ZNF33B: variants seen among roughly 807,000 people sequenced by gnomAD.
ZNF33B encodes the protein zinc finger protein 33B, also known as zinc finger protein 11b (KOX 2).
In ZNF33B, 29 loss-of-function variants were observed where a neutral mutation model predicts 45.8. That is an observed-to-expected ratio of 0.63 (90% CI 0.47 to 0.86). The LOEUF (loss-of-function observed/expected upper bound fraction) is 0.86. ZNF33B is among the 40% of genes least tolerant of loss of function. ZNF33B has a pLI of 0.00. For missense variants in ZNF33B, 831 were observed against 909.9 expected, an observed-to-expected ratio of 0.91 and a Z score of 1.12; for synonymous variants, 305 against 307.8, an observed-to-expected ratio of 0.99 and a Z score of 0.10.
At chr10:42,579,455 G>C (rs1260023575) in intron 1 of ZNF33B, among the ~76,000 whole-genome samples, 1 of 152,204 alleles carries the variant, frequency 6.6e-6, no homozygotes, top group Non-Finnish European at 1.5e-5. Context: ...AGTTGTTTGT[G>C]TGTAATGTTA....
At chr10:42,637,276 CA>C (rs1469929534) in intron 1 of ZNF33B, among the ~76,000 whole-genome samples, 1 of 152,086 alleles carries the variant, frequency 6.6e-6, no homozygotes, top group African/African-American at 2.4e-5. Context: ...CAATATTGGC[CA>C]AACAAGTTAA....
At chr10:42,597,655 T>C (rs1837457940) in intron 4 of ZNF33B, among the ~76,000 whole-genome samples, 2 of 152,128 alleles carry the variant, frequency 1.3e-5, no homozygotes, top group African/African-American at 4.8e-5. Flanking sequence ...GATGCAATCA[T>C]TAGGGACCTG....
chr10:42,626,522 T>C (rs1302528999), intron 4 of ZNF33B, among the ~76,000 whole-genome samples: 2 of 151,960 alleles, frequency 1.3e-5, no homozygotes, highest in African/African-American at 4.8e-5. Context: ...ACACCGTCTT[T>C]ACTAAAAATA....
intron 4 of ZNF33B, among the ~76,000 whole-genome samples, chr10:42,614,124 C>T (rs372074243): frequency 3.3e-5 from 5 of 152,302 alleles, no homozygotes; most frequent in African/African-American, 1.2e-4. Context: ...TTAAGGCCAA[C>T]ATCAAAAGTC....
chr10:42,588,105 C>T (rs1215421336), downstream of ZNF33B, among the ~76,000 whole-genome samples: 1 of 152,164 alleles, frequency 6.6e-6, no homozygotes, highest in Non-Finnish European at 1.5e-5. Flanking sequence ...GAGCTCCAGC[C>T]AGTCCTTTGG....
At chr10:42,578,739 G>GC (rs1836783176) in intron 1 of ZNF33B, 1 of 152,298 alleles carries the variant, frequency 6.6e-6, no homozygotes, top group Admixed American at 6.5e-5. Context: ...GACTGTATCT[G>GC]TGGTGTATCT....
Position 42,631,915 on chromosome 10 carries a change from A to C in ZNF33B, c.250+14T>G, listed in dbSNP as rs372962500. The C allele has an allele frequency of 1.2e-6, 2 of 1,604,284 alleles. No homozygotes were observed. The highest frequency in any genetic ancestry group is 2.2e-5 in the South Asian group (2 of 90,916). Reference sequence around the variant, plus strand: ...ATCCCCTGATGTGAATCTGTGCAGTACATATTAACCCACCTGGAAAGCTCT... The same window carrying C: ...ATCCCCTGATGTGAATCTGTGCAGTCCATATTAACCCACCTGGAAAGCTCT... On this transcript the variant is annotated intron_variant, in intron 4 of 4. Coordinates refer to ENST00000359467, the MANE Select transcript of ZNF33B (RefSeq NM_006955.3).
chr10:42,601,627 C>A (rs1024643709), intron 4 of ZNF33B, among the ~76,000 whole-genome samples: 4 of 151,798 alleles, frequency 2.6e-5, no homozygotes, highest in African/African-American at 9.7e-5. Context: ...GTGCCTGCCA[C>A]CACACCCGGC....
chr10:42,627,149 G>A (rs111525490), intron 4 of ZNF33B, among the ~76,000 whole-genome samples: 3,208 of 134,554 alleles, frequency 0.024, 81 homozygotes, highest in African/African-American at 0.065. Context: ...GATTACAGGC[G>A]TGCACCACCA....
chr10:42,591,354 G>T lies in ZNF33B; in HGVS notation c.*1259C>A. The T allele has an allele frequency of 2.1e-6, 1 of 476,586 alleles. No homozygotes were observed. The highest frequency in any genetic ancestry group is 2.7e-6 in the Non-Finnish European group (1 of 365,244). The allele number at this position is 476,586 out of a possible 1,614,324, so 29.5% of individuals were successfully genotyped here. ...GTACCCCAGGCAGTTCATGGCATGG[G>T]ATGAGCCACAGGTAGTAAGAGAAAG... On this transcript the variant is annotated 3_prime_UTR_variant, in exon 5 of 5. Transcript: ENST00000359467.
chr10:42,625,535 A>T (rs1307658248), intron 4 of ZNF33B, among the ~76,000 whole-genome samples: 1 of 152,056 alleles, frequency 6.6e-6, no homozygotes, highest in Non-Finnish European at 1.5e-5. Flanking sequence ...GCTGGCGTGC[A>T]ATGGTGTGAG....
chr10:42,587,313 C>T (rs1836955053), downstream of ZNF33B, among the ~76,000 whole-genome samples: 1 of 152,114 alleles, frequency 6.6e-6, no homozygotes, highest in South Asian at 2.1e-4. Context: ...GATTCTCCTG[C>T]CTTAGCCTCC....
At chr10:42,612,904 G>C (rs1838161571) in intron 4 of ZNF33B, among the ~76,000 whole-genome samples, 1 of 152,102 alleles carries the variant, frequency 6.6e-6, no homozygotes. Context: ...TGGTCCATTT[G>C]AATGGTTTAT....
downstream of ZNF33B, among the ~76,000 whole-genome samples, chr10:42,584,859 GAGTTTCAGAAATC>G (rs1836899852): frequency 6.6e-6 from 1 of 152,278 alleles, no homozygotes; most frequent in East Asian, 1.9e-4. Flanking sequence ...GACAACCTCA[GAGTTTCAGAAATC>G]ACCATCATCA....
chr10:42,628,776 C>T (rs1276715917), intron 4 of ZNF33B, among the ~76,000 whole-genome samples: 2 of 151,990 alleles, frequency 1.3e-5, no homozygotes, highest in Admixed American at 6.6e-5. Flanking sequence ...CACACTCCCC[C>T]GCAGGAAGAC....
chr10:42,575,254 C>T (rs1300613145), intron 1 of ZNF33B, among the ~76,000 whole-genome samples: 3 of 151,996 alleles, frequency 2.0e-5, no homozygotes, highest in Non-Finnish European at 2.9e-5. Flanking sequence ...CTTAATGTGG[C>T]GCGTGGAGGT....
chr10:42,607,758 T>A (rs2132083979), intron 4 of ZNF33B, among the ~76,000 whole-genome samples: 1 of 152,240 alleles, frequency 6.6e-6, no homozygotes, highest in South Asian at 2.1e-4. Flanking sequence ...ATAGTTAAGT[T>A]GAACCTTTGT....
intron 4 of ZNF33B, among the ~76,000 whole-genome samples, chr10:42,616,600 T>G (rs756968200): frequency 2.0e-4 from 30 of 152,214 alleles, no homozygotes; most frequent in Non-Finnish European, 3.8e-4. Context: ...CTCTATGTGA[T>G]TCTGTAAAAC....
In ZNF33B at chr10:42,594,067, C is replaced by G; in HGVS notation, c.883G>C (p.Gly295Arg). 1 of 1,614,022 alleles carries G rather than the reference C, an allele frequency of 6.2e-7. No homozygotes were observed. The highest frequency in any genetic ancestry group is 8.5e-7 in the Non-Finnish European group (1 of 1,179,934). ...CAATCATAGTGTTTCACAGGTACCC[C>G]ATCATGTTTAGAAAGGGTGGACTTC... Reference protein sequence around the residue: ...CVKSTLSKHDGVPVKHYDCGE... With the variant: ...CVKSTLSKHDRVPVKHYDCGE... Residue 295 changes from glycine (G) to arginine (R), a missense_variant, in exon 5 of 5, where the codon GGG becomes CGG. Physicochemically the swap from Gly to Arg is moderately radical, Grantham distance 125 (BLOSUM62 -2). Transcript: ENST00000359467.
Sources: allele counts gnomAD v4.1 joint callset (sites outside exome capture counted in the v4.1 genomes callset), GRCh38; gene constraint gnomAD v4.1.1; transcripts MANE v1.5; gene names NCBI Gene and HGNC (gene_info 2026-07-23, HGNC 2026-07-21).